Variants in ALK observed in about 807,000 individuals in gnomAD.
ALK encodes the protein ALK receptor tyrosine kinase.
A neutral mutation model predicts 163.1 loss-of-function variants in ALK; 74 were observed. The ratio of observed to expected loss-of-function variants is 0.45; its 90% confidence interval spans 0.38 to 0.55. The LOEUF is 0.55. Among genes scored for constraint, ALK ranks in the 20% least tolerant of loss-of-function variants. The pLI is 0.00. For missense variants in ALK, 2,063 were observed against 2,105.3 expected, an observed-to-expected ratio of 0.98 and a Z score of 0.39; for synonymous variants, 960 against 843.2, an observed-to-expected ratio of 1.14 and a Z score of -2.40.
chr2:29,917,992 C>T (rs1667881067), intron 1 of ALK, among the ~76,000 whole-genome samples: 1 of 152,246 alleles, frequency 6.6e-6, no homozygotes, highest in Non-Finnish European at 1.5e-5. Context: ...CACAATGCTT[C>T]CCTACAGCCA....
intron 1 of ALK, among the ~76,000 whole-genome samples, chr2:29,736,309 G>C (rs1315177354): frequency 6.6e-6 from 1 of 151,828 alleles, no homozygotes; most frequent in Non-Finnish European, 1.5e-5. Context: ...GCCTTTCAAT[G>C]GTCTGGTTAT....
At chr2:29,292,291 A>G (rs1346057016) in intron 9 of ALK, among the ~76,000 whole-genome samples, 5 of 152,232 alleles carry the variant, frequency 3.3e-5, no homozygotes, top group Non-Finnish European at 7.3e-5. Flanking sequence ...AATCCATCTC[A>G]TAACGAGTTG....
At chr2:29,752,494 C>T (rs1344543847) in intron 1 of ALK, among the ~76,000 whole-genome samples, 2 of 151,386 alleles carry the variant, frequency 1.3e-5, no homozygotes, top group Non-Finnish European at 2.9e-5. Flanking sequence ...GGACTACAGG[C>T]ACGCGCCACC....
At chr2:29,702,490 G>A (rs1276001356) in intron 2 of ALK, among the ~76,000 whole-genome samples, 1 of 152,168 alleles carries the variant, frequency 6.6e-6, no homozygotes, top group Non-Finnish European at 1.5e-5. Flanking sequence ...ACATCACCAA[G>A]ATCTAAGTCT....
intron 4 of ALK, among the ~76,000 whole-genome samples, chr2:29,405,914 A>G (rs1669570096): frequency 6.6e-6 from 1 of 152,168 alleles, no homozygotes; most frequent in Non-Finnish European, 1.5e-5. Context: ...TCTACTCAGA[A>G]TGATGCCTGG....
intron 5 of ALK, among the ~76,000 whole-genome samples, chr2:29,347,013 G>A (rs1308029285): frequency 6.6e-6 from 1 of 152,192 alleles, no homozygotes; most frequent in Non-Finnish European, 1.5e-5. Flanking sequence ...TCTTTAAAGA[G>A]CAGCGACTCA....
At chr2:29,821,082 G>A (rs1441765647) in intron 1 of ALK, among the ~76,000 whole-genome samples, 1 of 152,206 alleles carries the variant, frequency 6.6e-6, no homozygotes, top group African/African-American at 2.4e-5. Flanking sequence ...TAGAGGAGGG[G>A]ATCGAGACTA....
At chr2:29,710,220 C>A (rs1426075157) in intron 2 of ALK, among the ~76,000 whole-genome samples, 1 of 152,138 alleles carries the variant, frequency 6.6e-6, no homozygotes, top group Non-Finnish European at 1.5e-5. Context: ...TCCTCCTTGC[C>A]TTCTGCCACG....
chr2:29,723,927 C>G (rs1679491129), intron 1 of ALK, among the ~76,000 whole-genome samples: 1 of 152,196 alleles, frequency 6.6e-6, no homozygotes, highest in African/African-American at 2.4e-5. Context: ...ACTAGTTAAT[C>G]ATTAACTTTG....
At chr2:29,588,210 AGAGAT>A (rs1674942852) in intron 3 of ALK, among the ~76,000 whole-genome samples, 1 of 152,084 alleles carries the variant, frequency 6.6e-6, no homozygotes, top group East Asian at 1.9e-4. Flanking sequence ...TCATGGAAAA[AGAGAT>A]GAGAGAAAAA....
intron 1 of ALK, among the ~76,000 whole-genome samples, chr2:29,874,318 T>C (rs1384987337): frequency 6.7e-6 from 1 of 149,310 alleles, no homozygotes; most frequent in Non-Finnish European, 1.5e-5. Flanking sequence ...GCTGTGTTCG[T>C]GTGACAAAGG....
chr2:29,465,191 T>A (rs116130630), intron 4 of ALK, among the ~76,000 whole-genome samples: 191 of 152,148 alleles, frequency 1.3e-3, no homozygotes, highest in African/African-American at 4.6e-3. Context: ...CAAAAAGAGA[T>A]ACAATATATG....
rs578192448 is a variant in ALK at position 29,677,937 on chromosome 2, T to A, written c.952+16913A>T. On this transcript the variant is annotated intron_variant, in intron 3 of 28. Coordinates refer to ENST00000389048, the MANE Select transcript of ALK (RefSeq NM_004304.5). ...CTGGACTTTTCTTTTGGGGTAGATT[T>A]TCAATTACTAATTCAAGTCTTTACT... is the stretch of plus-strand genomic sequence containing the variant. Among the ~76,000 whole-genome samples, 9 of 152,210 alleles carry A rather than the reference T, an allele frequency of 5.9e-5. No homozygotes were observed. The East Asian group carries it at 1.7e-3, about 29-fold the overall frequency.
At position 29,643,755 on chromosome 2, in the gene ALK, A is replaced by C. The variant is rs145161961; in HGVS notation, c.952+51095T>G. 8.0e-3 allele frequency among the ~76,000 whole-genome samples: 1,214 copies of C among 152,220 alleles called. 9 individuals are homozygous for C. Among genetic ancestry groups the C allele is most frequent in the Middle Eastern group, 0.041 (12 of 294 alleles). ...AAATCTAGTAGTTTCCCAACAGGTG[A>C]TGGAGAGGATGTGGAGAAACAGGAA... On this transcript the variant is annotated intron_variant, in intron 3 of 28. Coordinates refer to ENST00000389048, the MANE Select transcript of ALK (RefSeq NM_004304.5).
At chr2:29,709,466 A>G (rs760797053) in intron 2 of ALK, among the ~76,000 whole-genome samples, 4 of 152,168 alleles carry the variant, frequency 2.6e-5, no homozygotes, top group Non-Finnish European at 4.4e-5. Context: ...TTGAGTACAC[A>G]ATGAGTACAC....
intron 1 of ALK, among the ~76,000 whole-genome samples, chr2:29,759,946 G>A (rs1037916476): frequency 3.3e-5 from 5 of 152,174 alleles, no homozygotes; most frequent in Non-Finnish European, 5.9e-5. Context: ...GGGAACAGCT[G>A]TTATCAACAG....
chr2:29,610,311 G>C (rs1573496982), intron 3 of ALK, among the ~76,000 whole-genome samples: 1 of 152,116 alleles, frequency 6.6e-6, no homozygotes, highest in Non-Finnish European at 1.5e-5. Flanking sequence ...ATTCCCGGCT[G>C]CTTGTCCTTT....
chr2:29,772,829 C>T (rs554383793), intron 1 of ALK, among the ~76,000 whole-genome samples: 1 of 152,138 alleles, frequency 6.6e-6, no homozygotes, highest in African/African-American at 2.4e-5. Flanking sequence ...AGTGCCCCAG[C>T]CTCTTACAGG....
intron 1 of ALK, among the ~76,000 whole-genome samples, chr2:29,736,379 T>C (rs186799276): frequency 1.4e-3 from 216 of 152,148 alleles, no homozygotes; most frequent in Admixed American, 3.7e-3. Flanking sequence ...AAAATAACCA[T>C]GTGTCATTTT....
Sources: gnomAD v4.1 joint callset for allele counts (sites outside exome capture counted in the v4.1 genomes callset) on GRCh38, gnomAD v4.1.1 for gene constraint, MANE v1.5 for transcripts, NCBI Gene and HGNC (gene_info 2026-07-23, HGNC 2026-07-21) for gene names.